The following ITGAD variants were observed in gnomAD, a reference collection of about 807,000 sequenced individuals.
ITGAD encodes integrin subunit alpha D.
ITGAD carries 105 observed loss-of-function variants against 139.0 expected under a neutral mutation model. That is an observed-to-expected ratio of 0.76 (90% CI 0.65 to 0.89). The LOEUF (loss-of-function observed/expected upper bound fraction) is 0.89, where lower values mean the gene tolerates loss of function less well. Among genes scored for constraint, ITGAD ranks in the 40% least tolerant of loss-of-function variants. The probability of loss-of-function intolerance (pLI) is 0.00; values close to 1 mark genes in which losing one functional copy is unlikely to be tolerated. For synonymous variants in ITGAD, 569 were observed against 598.3 expected, an observed-to-expected ratio of 0.95 and a Z score of 0.71; for missense variants, 1,384 against 1,487.3, an observed-to-expected ratio of 0.93 and a Z score of 1.14.
chr16:31,401,411 C>A (rs957350088), intron 5 of ITGAD, among the ~76,000 whole-genome samples: 1 of 152,170 alleles, frequency 6.6e-6, no homozygotes, highest in African/African-American at 2.4e-5. Flanking sequence ...CTCTGCCTAG[C>A]GTGATTCCTG....
At chr16:31,397,071 T>G (rs1597103234) in intron 2 of ITGAD, among the ~76,000 whole-genome samples, 1 of 75,938 alleles carries the variant, frequency 1.3e-5, no homozygotes, top group Non-Finnish European at 4.2e-5. Context: ...GGTTTTTTTT[T>G]TTTTTTTTTT....
In ITGAD at chr16:31,424,553, G is replaced by A. The variant is rs1041756938; in HGVS notation, c.3348G>A (p.Ala1116=). 15 of 1,612,440 alleles carry A rather than the reference G, an allele frequency of 9.3e-6. No homozygotes were observed. Among genetic ancestry groups the A allele is most frequent in the African/African-American group, 2.7e-5 (2 of 74,704 alleles). ...GSSVGALLLL[A]LITATLYKLG... is the part of the protein sequence containing the mutation. ...CTGTGGGGGCTCTGCTACTGCTGGCGCTCATCACAGCCACACTGTACAAGG... is the reference window on the plus strand; with the variant it reads ...CTGTGGGGGCTCTGCTACTGCTGGCACTCATCACAGCCACACTGTACAAGG... Residue 1116 remains alanine (A), a synonymous_variant, in exon 29 of 30, where the codon GCG becomes GCA. Transcript: ENST00000389202.
intron 23 of ITGAD, among the ~76,000 whole-genome samples, chr16:31,420,791 C>A (rs1243225155): frequency 6.6e-6 from 1 of 152,148 alleles, no homozygotes; most frequent in African/African-American, 2.4e-5. Context: ...TTAGGCTGGT[C>A]TTGAACTCGT....
chr16:31,405,828 A>T (rs1162659795), intron 7 of ITGAD, among the ~76,000 whole-genome samples: 1 of 151,578 alleles, frequency 6.6e-6, no homozygotes, highest in African/African-American at 2.4e-5. Context: ...TTTTTTGTAG[A>T]TATGGGGTCT....
At position 31,416,622 on chromosome 16, in the gene ITGAD, G is replaced by C; in HGVS notation, c.2475G>C (p.Ser825=). ...VVSLYYPAGL[S]HRRVSGAQKQ... is the part of the protein sequence containing the mutation. ...GCCTCTACTATCCAGCAGGGCTGTC[G>C]CACCGACGGGTGTCAGGAGCCCAGG... is the stretch of plus-strand genomic sequence containing the variant. Residue 825 remains serine (S), a synonymous_variant, in exon 20 of 30, where the codon TCG becomes TCC. Coordinates refer to ENST00000389202, the MANE Select transcript of ITGAD (RefSeq NM_005353.3). 6.2e-7 allele frequency: 1 copy of C among 1,610,820 alleles called. No homozygotes were observed. Among genetic ancestry groups the C allele is most frequent in the Non-Finnish European group, 8.5e-7 (1 of 1,177,452 alleles).
chr16:31,418,041 G>C lies in ITGAD; in HGVS notation c.2500-34G>C, dbSNP rs542600626. 8 of 1,554,254 alleles carry C rather than the reference G, an allele frequency of 5.1e-6. No individual in the cohort carries two copies. The Admixed American group carries it at 8.4e-5, about 16-fold the overall frequency. On this transcript the variant is annotated intron_variant, in intron 20 of 29. Transcript: ENST00000389202. ...GTGTATCAAGCCCACACATGCATGC[G>C]GGTAACTTCTTAAAATTCATTCTCC...
chr16:31,394,215 C>CG, intron 1 of ITGAD, 21 bp from the exon 2 acceptor site: 1 of 1,546,624 alleles, frequency 6.5e-7, no homozygotes, highest in East Asian at 2.2e-5. Context: ...CCAGCCTCCC[C>CG]GCCCACCAAA....
chr16:31,414,539 C>T lies in ITGAD; in HGVS notation c.2085C>T (p.Pro695=), dbSNP rs2081832033. ...CCATTTTCAATGAAACCAAGAACCCCACTTTGACTCGAAGAAAAACCCTGG... is the reference window on the plus strand; with the variant it reads ...CCATTTTCAATGAAACCAAGAACCCTACTTTGACTCGAAGAAAAACCCTGG... ...SRAIFNETKN[P]TLTRRKTLGL... is the part of the protein sequence containing the mutation. Residue 695 remains proline (P), a synonymous_variant, in exon 17 of 30, where the codon CCC becomes CCT. Transcript: ENST00000389202. 1 of 1,614,086 alleles carries T rather than the reference C, an allele frequency of 6.2e-7. No homozygotes were observed. The highest frequency in any genetic ancestry group is 1.7e-5 in the Admixed American group (1 of 59,998).
At chr16:31,395,670 C>T (rs922921922) in intron 2 of ITGAD, among the ~76,000 whole-genome samples, 3 of 152,114 alleles carry the variant, frequency 2.0e-5, no homozygotes, top group African/African-American at 4.8e-5. Context: ...TGAACCTGCC[C>T]CCACTTCCAG....
At chr16:31,393,467 G>A (rs1195041568) in intron 1 of ITGAD, 76 bp downstream of exon 1, 1 of 1,527,550 alleles carries the variant, frequency 6.5e-7, no homozygotes. Flanking sequence ...CAGGCTGGGG[G>A]CTGGTGGTCG....
chr16:31,418,017 T>G, intron 20 of ITGAD, 58 bp from the exon 21 acceptor site: 2 of 1,337,892 alleles, frequency 1.5e-6, no homozygotes, highest in Admixed American at 1.7e-5. Context: ...ACCACTGCTG[T>G]GTATCAAGCC....
At chr16:31,405,161 T>C (rs113287994) in intron 7 of ITGAD, among the ~76,000 whole-genome samples, 2,422 of 152,200 alleles carry the variant, frequency 0.016, 54 homozygotes, top group African/African-American at 0.054. Context: ...AATGTTTGTA[T>C]TTTTAGTAGA....
At chr16:31,418,275 C>A in intron 21 of ITGAD, 26 bp from the exon 22 acceptor site, 1 of 1,610,742 alleles carries the variant, frequency 6.2e-7, no homozygotes. Flanking sequence ...CCTTTTATCC[C>A]CATTCTTTCC....
At chr16:31,423,020 C>A in intron 23 of ITGAD, 94 bp from the exon 24 acceptor site, 1 of 956,258 alleles carries the variant, frequency 1.0e-6, no homozygotes, top group Non-Finnish European at 1.7e-6. Context: ...TTCCCTGAGA[C>A]ATCTGCCCAG....
At chr16:31,409,190 G>A (rs1015199507) in intron 10 of ITGAD, among the ~76,000 whole-genome samples, 3 of 152,132 alleles carry the variant, frequency 2.0e-5, no homozygotes, top group Non-Finnish European at 4.4e-5. Flanking sequence ...AGCTACTTGG[G>A]AGGCCAAGGC....
Position 31,397,932 on chromosome 16 carries a change from T to C in ITGAD, c.427+23T>C, listed in dbSNP as rs200402506. On this transcript the variant is annotated intron_variant, in intron 5 of 29. Transcript: ENST00000389202. ...CAGGTAGGTCCCTGGCAGGCCATGG[T>C]TCCCTGTGGAGCACATGCTGGCACT... The C allele has an allele frequency of 2.9e-4, 460 of 1,562,160 alleles. 1 individual carries two copies. Among genetic ancestry groups the C allele is most frequent in the African/African-American group, 2.0e-3 (148 of 73,990 alleles).
In ITGAD at chr16:31,412,837, G is replaced by A. The variant is rs1567342435; in HGVS notation, c.1708-1G>A. On this transcript the variant is annotated splice_acceptor_variant, in intron 14 of 29. Coordinates refer to ENST00000389202, the MANE Select transcript of ITGAD (RefSeq NM_005353.3). LOFTEE classifies it high-confidence loss of function. ...GATTCACCCTTTTCTCTTCTGGCCA[G>A]CGGATTGCCAGCTCCCAGCTCTCCC... The A allele has an allele frequency of 6.2e-7, 1 of 1,613,738 alleles. No individual in the cohort carries two copies. Among genetic ancestry groups the A allele is most frequent in the Non-Finnish European group, 8.5e-7 (1 of 1,179,994 alleles).
At chr16:31,411,748 C>T (rs1038365690) in intron 14 of ITGAD, among the ~76,000 whole-genome samples, 5 of 152,240 alleles carry the variant, frequency 3.3e-5, no homozygotes, top group Admixed American at 6.5e-5. Context: ...AATCCCTGGC[C>T]GGGCCGGCCA....
rs2081445361 is a variant in ITGAD, at chr16:31,403,012, A to C, written c.559-488A>C. 1 of 152,548 alleles carries C rather than the reference A, an allele frequency of 6.6e-6. No homozygotes were observed. 9.4% of individuals were successfully genotyped at this position (152,548 alleles called of 1,614,324 possible). A position where few individuals can be genotyped will look rare whatever the true frequency, so the allele number is the denominator to read the frequency against. ...TGTGGTTGGCAAAGTTATTTTTAAT[A>C]AACTGTGAAGGAAATATCATTTGGT... is the stretch of plus-strand genomic sequence containing the variant. On this transcript the variant is annotated intron_variant, in intron 6 of 29. Coordinates refer to ENST00000389202, the MANE Select transcript of ITGAD (RefSeq NM_005353.3). This position sits in a 1 kb window ranked among gnomAD's most constrained non-coding sequence, Gnocchi z 4.4.
Sources: allele counts gnomAD v4.1 joint callset (sites outside exome capture counted in the v4.1 genomes callset), GRCh38; gene constraint gnomAD v4.1.1; non-coding constraint Gnocchi (gnomAD v3.1); transcripts MANE v1.5; gene names NCBI Gene and HGNC (gene_info 2026-07-23, HGNC 2026-07-21).